The following EZH1 variants were observed in gnomAD, a reference collection of about 807,000 sequenced individuals.
The protein encoded by EZH1 is enhancer of zeste 1 polycomb repressive complex 2 subunit.
A neutral mutation model predicts 100.5 loss-of-function variants in EZH1; 33 were observed. The ratio of observed to expected loss-of-function variants is 0.33; its 90% CI spans 0.25 to 0.44. EZH1 has a LOEUF of 0.44. EZH1 is among the 20% of genes least tolerant of loss of function. EZH1 has a pLI of 1.00. For missense variants in EZH1, 475 were observed against 928.4 expected, an observed-to-expected ratio of 0.51 and a Z score of 6.35; for synonymous variants, 272 against 313.8, an observed-to-expected ratio of 0.87 and a Z score of 1.41.
rs1278850541 is a variant in EZH1, at chr17:42,700,277, G to C, written c.*2255C>G. 3 of 152,724 alleles carry C rather than the reference G, an allele frequency of 2.0e-5. No individual in the cohort carries two copies. The highest frequency in any genetic ancestry group is 1.3e-4 in the Admixed American group (2 of 15,264). 9.5% of individuals were successfully genotyped at this position (152,724 alleles called of 1,614,324 possible). On this transcript the variant is annotated 3_prime_UTR_variant, in exon 21 of 21. Transcript: ENST00000428826. Reference sequence around the variant, plus strand: ...ACACAGTACACAACTTGCCAAAATGGATTCTAACACTTTATTAAGAGGTCA... The same window carrying C: ...ACACAGTACACAACTTGCCAAAATGCATTCTAACACTTTATTAAGAGGTCA...
rs768077916 is a variant in EZH1 at position 42,706,032 on chromosome 17, C to T, written c.1814G>A (p.Cys605Tyr). 6.2e-7 allele frequency: 1 copy of T among 1,613,544 alleles called. No individual in the cohort carries two copies. Among genetic ancestry groups the T allele is most frequent in the South Asian group, 1.1e-5 (1 of 90,976 alleles). ...WDCKVVSCKN[C>Y]SIQRGLKKHL... ...CTTCTTAAGTCCACGCTGGATGCTG[C>T]AGTTTTTACAGGAAACCACCTTGCA... Residue 605 changes from cysteine to tyrosine, a missense_variant, in exon 16 of 21, where the codon TGC becomes TAC. Cys to Tyr is a radical substitution (Grantham distance 194). Transcript: ENST00000428826. The surrounding 1 kb of genome is among the most constrained non-coding windows in gnomAD (Gnocchi z 4.4).
chr17:42,733,047 A>G (rs1034792797), intron 1 of EZH1, among the ~76,000 whole-genome samples: 136 of 151,606 alleles, frequency 9.0e-4, no homozygotes, highest in African/African-American at 2.6e-3. Context: ...AAAAAAAAAA[A>G]AAAGAAAAAG....
chr17:42,719,380 A>T (rs1056165715), intron 7 of EZH1, among the ~76,000 whole-genome samples, 173 bp from the exon 8 acceptor site: 1 of 152,242 alleles, frequency 6.6e-6, no homozygotes, highest in Non-Finnish European at 1.5e-5. Flanking sequence ...TATCTGATAT[A>T]TGCTACCAGT....
chr17:42,726,128 C>G (rs2053814813), intron 4 of EZH1, among the ~76,000 whole-genome samples: 1 of 150,330 alleles, frequency 6.7e-6, no homozygotes, highest in African/African-American at 2.4e-5. Flanking sequence ...ATCCACCTGT[C>G]ACAGCCTCTA....
intron 15 of EZH1, among the ~76,000 whole-genome samples, chr17:42,707,254 A>G (rs75627032): frequency 6.6e-6 from 1 of 151,594 alleles, no homozygotes; most frequent in South Asian, 2.1e-4. Flanking sequence ...AAAAAAAAAA[A>G]GAGTCCCACA....
At position 42,718,287 on chromosome 17, in the gene EZH1, G is replaced by T; in HGVS notation, c.931+167C>A. The T allele has an allele frequency of 1.0e-6, 1 of 959,922 alleles. No individual in the cohort carries two copies. Among genetic ancestry groups the T allele is most frequent in the Non-Finnish European group, 1.5e-6 (1 of 655,826 alleles). The allele number at this position is 959,922 out of a possible 1,614,324, so 59.5% of individuals were successfully genotyped here. On this transcript the variant is annotated intron_variant, in intron 9 of 20. Coordinates refer to ENST00000428826, the MANE Select transcript of EZH1 (RefSeq NM_001991.5). This position sits in a 1 kb window ranked among gnomAD's most constrained non-coding sequence, Gnocchi z 4.2. The stretch of plus-strand genomic sequence containing the variant: ...TTGCTAGTTAGTCTGTCCCTATCAT[G>T]CAAAGCATGTTGCACTATAATTGAG...
Position 42,712,490 on chromosome 17 carries a change from G to C in EZH1, c.1205-5C>G, listed in dbSNP as rs758816613. On this transcript the variant is annotated splice_polypyrimidine_tract_variant and splice_region_variant and intron_variant, in intron 11 of 20. Coordinates refer to ENST00000428826, the MANE Select transcript of EZH1 (RefSeq NM_001991.5). Reference sequence around the variant, plus strand: ...TCTGACAGCGAGAGTTAGCCTCTGAGAAGGGAAGAAATAACAGAATCAGAA... The same window carrying C: ...TCTGACAGCGAGAGTTAGCCTCTGACAAGGGAAGAAATAACAGAATCAGAA... 6 of 1,610,354 alleles carry C rather than the reference G, an allele frequency of 3.7e-6. No homozygotes were observed. Among genetic ancestry groups the C allele is most frequent in the Non-Finnish European group, 4.2e-6 (5 of 1,178,464 alleles).
In EZH1 at chr17:42,728,942, C is replaced by T; in HGVS notation, c.-1G>A. 1.9e-6 allele frequency: 3 copies of T among 1,609,860 alleles called. No homozygotes were observed. Among genetic ancestry groups the T allele is most frequent in the Non-Finnish European group, 2.5e-6 (3 of 1,178,398 alleles). ...AGGTAGGGGGATTTGGTATTTCCATCTTGCTGTAATCTAAGAGAGACAGAG... is the reference window on the plus strand; with the variant it reads ...AGGTAGGGGGATTTGGTATTTCCATTTTGCTGTAATCTAAGAGAGACAGAG... On this transcript the variant is annotated 5_prime_UTR_variant, in exon 3 of 21. Transcript: ENST00000428826.
chr17:42,740,614 G>T (rs2054158849), intron 1 of EZH1, among the ~76,000 whole-genome samples: 1 of 152,084 alleles, frequency 6.6e-6, no homozygotes, highest in African/African-American at 2.4e-5. Flanking sequence ...CCTCCCAAAG[G>T]GTTGAGATTA....
intron 1 of EZH1, 39 bp downstream of exon 1, chr17:42,744,972 C>A: frequency 7.9e-7 from 1 of 1,258,514 alleles, no homozygotes; most frequent in Non-Finnish European, 1.0e-6. Flanking sequence ...GGAGGAGGCC[C>A]GGCCCCACCG....
intron 5 of EZH1, among the ~76,000 whole-genome samples, chr17:42,723,162 G>A (rs376572650): frequency 3.3e-5 from 5 of 152,280 alleles, no homozygotes; most frequent in Admixed American, 2.6e-4. Flanking sequence ...GGATCATGAG[G>A]TCAGGAGATC....
At chr17:42,729,396 G>T (rs1023664535) in intron 2 of EZH1, among the ~76,000 whole-genome samples, 1 of 152,104 alleles carries the variant, frequency 6.6e-6, no homozygotes, top group Non-Finnish European at 1.5e-5. Flanking sequence ...GACAGAGTGA[G>T]ACCTTGTCTC....
intron 13 of EZH1, chr17:42,709,605 T>C (rs2053434432): frequency 2.4e-6 from 1 of 423,388 alleles, no homozygotes; most frequent in Non-Finnish European, 4.2e-6. Flanking sequence ...GCCAGAAGCT[T>C]AAATAGAAAA....
chr17:42,710,803 T>TTTTC (rs1555647063), intron 12 of EZH1, among the ~76,000 whole-genome samples: 6 of 147,214 alleles, frequency 4.1e-5, no homozygotes, highest in African/African-American at 1.5e-4. Flanking sequence ...TTTTTTTTTT[T>TTTTC]GTAGAAATGG....
intron 10 of EZH1, 87 bp downstream of exon 10, chr17:42,717,889 T>C (rs2053636497): frequency 1.7e-6 from 2 of 1,179,020 alleles, no homozygotes; most frequent in Non-Finnish European, 2.5e-6. Flanking sequence ...ATTTGTGCTA[T>C]ATGACCCCCA....
intron 1 of EZH1, among the ~76,000 whole-genome samples, chr17:42,740,105 C>T: frequency 6.6e-6 from 1 of 152,102 alleles, no homozygotes; most frequent in East Asian, 1.9e-4. Flanking sequence ...CTCTGCCGAC[C>T]AGGCATGATC....
At chr17:42,710,860 C>T (rs377188117) in intron 12 of EZH1, among the ~76,000 whole-genome samples, 1 of 146,668 alleles carries the variant, frequency 6.8e-6, no homozygotes, top group East Asian at 2.0e-4. Context: ...TGGCTTCAAG[C>T]GATCCTCCCA....
chr17:42,707,905 C>A lies in EZH1; in HGVS notation c.1660+53G>T, dbSNP rs553771190. On this transcript the variant is annotated intron_variant, in intron 15 of 20. Coordinates refer to ENST00000428826, the MANE Select transcript of EZH1 (RefSeq NM_001991.5). ...GCACAGGAATGGGGCAAGCCTAGGG[C>A]ACACTGGAGCCAACTGTTTTGGTAG... 2.8e-5 allele frequency: 45 copies of A among 1,610,640 alleles called. No homozygotes were observed. In the East Asian group the frequency reaches 1.0e-3, roughly 36 times the overall value.
Position 42,702,388 on chromosome 17 carries a change from G to A in EZH1, c.*144C>T, listed in dbSNP as rs2053259235. On this transcript the variant is annotated 3_prime_UTR_variant, in exon 21 of 21. Coordinates refer to ENST00000428826, the MANE Select transcript of EZH1 (RefSeq NM_001991.5). ...AGACAGTTTTGTGCCCTCTGGACAT[G>A]GCAGAGGCCTCACTACAGAGGGAGT... 1.6e-6 allele frequency: 1 copy of A among 643,812 alleles called. No homozygotes were observed. The highest frequency in any genetic ancestry group is 2.7e-6 in the Non-Finnish European group (1 of 376,604). 39.9% of individuals were successfully genotyped at this position (643,812 alleles called of 1,614,324 possible). A position where few individuals can be genotyped will look rare whatever the true frequency, so the allele number is the denominator to read the frequency against.
Sources: allele counts gnomAD v4.1 joint callset (sites outside exome capture counted in the v4.1 genomes callset), GRCh38; gene constraint gnomAD v4.1.1; non-coding constraint Gnocchi (gnomAD v3.1); transcripts MANE v1.5; gene names NCBI Gene and HGNC (gene_info 2026-07-23, HGNC 2026-07-21).